The following NEMF variants were observed in gnomAD, a reference collection of about 807,000 sequenced individuals.
The protein encoded by NEMF is nuclear export mediator factor.
In NEMF, 89 loss-of-function variants were observed where a neutral mutation model predicts 162.2. The observed-to-expected ratio is 0.55, with a 90% CI of 0.46 to 0.65. NEMF has a LOEUF of 0.65. Among genes scored for constraint, NEMF ranks in the 30% least tolerant of loss-of-function variants. The pLI, the probability that NEMF is intolerant of heterozygous loss-of-function variation, is 0.00. For synonymous variants in NEMF, 421 were observed against 404.5 expected (o/e 1.04, Z -0.49); for missense variants, 1,133 against 1,261.9 (o/e 0.90, Z 1.55).
At chr14:49,822,934 ATTT>A (rs10709782) in intron 16 of NEMF, among the ~76,000 whole-genome samples, 63 of 115,582 alleles carry the variant, frequency 5.5e-4, no homozygotes, top group Non-Finnish European at 5.6e-4. Context: ...CCCCTTAGAG[ATTT>A]TTTTTTTTTT....
At chr14:49,837,684 C>T (rs1208357004) in intron 6 of NEMF, among the ~76,000 whole-genome samples, 4 of 151,848 alleles carry the variant, frequency 2.6e-5, no homozygotes, top group Non-Finnish European at 4.4e-5. Context: ...CCTGCCTCCC[C>T]GTCTTCTCTA....
chr14:49,814,817 G>C lies in NEMF; in HGVS notation c.1618C>G (p.Leu540Val). Residue 540 changes from leucine (L) to valine (V), a missense_variant, in exon 17 of 33, where the codon CTA becomes GTA. Leu to Val is a conservative substitution (Grantham distance 32). Around this residue, in one of 3 missense-constraint regions of NEMF, gnomAD observed 582 missense variants for 631.5 expected, o/e 0.92. Coordinates refer to ENST00000298310, the MANE Select transcript of NEMF (RefSeq NM_004713.6). ...TGCTGATCTCGTCCACCTATAATTA[G>C]ATAGTTCTCTGAGCTAATGAACCAC... ...FLWFISSENY[L>V]IIGGRDQQQN... 1 of 1,592,938 alleles carries C rather than the reference G, an allele frequency of 6.3e-7. No homozygotes were observed. Among genetic ancestry groups the C allele is most frequent in the Non-Finnish European group, 8.5e-7 (1 of 1,172,500 alleles).
At position 49,784,561 on chromosome 14, in the gene NEMF, A is replaced by C. The variant is rs1479663106; in HGVS notation, c.*75T>G. On this transcript the variant is annotated 3_prime_UTR_variant, in exon 33 of 33. Transcript: ENST00000298310. ...TTTTATAATGCGGAAATCCTGATAC[A>C]TGGTGCTTTCATCTTTGAACTTCCA... 1.0e-6 allele frequency: 1 copy of C among 973,124 alleles called. No individual in the cohort carries two copies. The highest frequency in any genetic ancestry group is 1.6e-6 in the Non-Finnish European group (1 of 621,176). 60.3% of individuals were successfully genotyped at this position (973,124 alleles called of 1,614,324 possible).
In NEMF at chr14:49,791,024, T is replaced by C. The variant is rs539690818; in HGVS notation, c.2620-1451A>G. On this transcript the variant is annotated intron_variant, in intron 26 of 32. Coordinates refer to ENST00000298310, the MANE Select transcript of NEMF (RefSeq NM_004713.6). ...ACAAAAAAAATGTCAAGTGGGGATATTCTTAGCAAGTGGCAAGCATGAGCC... is the reference window on the plus strand; with the variant it reads ...ACAAAAAAAATGTCAAGTGGGGATACTCTTAGCAAGTGGCAAGCATGAGCC... Among the ~76,000 whole-genome samples the C allele has an allele frequency of 1.1e-4, 16 of 152,158 alleles. No homozygotes were observed. In the South Asian group the frequency reaches 3.1e-3, roughly 30 times the overall value.
At chr14:49,823,065 T>C (rs1006510079) in intron 16 of NEMF, among the ~76,000 whole-genome samples, 7 of 151,926 alleles carry the variant, frequency 4.6e-5, no homozygotes, top group Non-Finnish European at 7.4e-5. Context: ...GCCTCCCTAG[T>C]AGCTGGGATT....
chr14:49,791,138 A>G (rs555364792), intron 26 of NEMF, among the ~76,000 whole-genome samples: 2 of 151,564 alleles, frequency 1.3e-5, no homozygotes, highest in South Asian at 2.1e-4. Flanking sequence ...GATCGAGACC[A>G]TCCTGGCCAA....
At position 49,806,228 on chromosome 14, in the gene NEMF, A is replaced by ATGTG. The variant is rs1555346800; in HGVS notation, c.1745-99_1745-96dup. On this transcript the variant is annotated intron_variant, in intron 18 of 32. Coordinates refer to ENST00000298310, the MANE Select transcript of NEMF (RefSeq NM_004713.6). ...CATGCCGCATGACAGGGTCAATGAT[A>ATGTG]TGTGTATATATATATATATATATAT... 3.6e-3 allele frequency: 512 copies of ATGTG among 142,562 alleles called. 6 individuals are homozygous for ATGTG. Among genetic ancestry groups the ATGTG allele is most frequent in the East Asian group, 4.0e-3 (26 of 6,450 alleles). The allele number at this position is 142,562 out of a possible 1,614,324, so 8.8% of individuals were successfully genotyped here.
At chr14:49,812,503 A>C (rs766904664) in intron 18 of NEMF, among the ~76,000 whole-genome samples, 3 of 151,658 alleles carry the variant, frequency 2.0e-5, no homozygotes, top group Non-Finnish European at 2.9e-5. Context: ...TACTGATTTG[A>C]GATCTTTCTT....
chr14:49,797,848 G>A (rs1394506583), intron 25 of NEMF, among the ~76,000 whole-genome samples: 1 of 152,176 alleles, frequency 6.6e-6, no homozygotes, highest in African/African-American at 2.4e-5. Context: ...TTATAACTTT[G>A]ATGAGAACAA....
intron 18 of NEMF, among the ~76,000 whole-genome samples, chr14:49,808,755 G>C (rs1262739928): frequency 1.3e-5 from 2 of 150,832 alleles, no homozygotes; most frequent in Admixed American, 6.7e-5. Flanking sequence ...CCACTGACTG[G>C]CAGAAAATAC....
intron 19 of NEMF, among the ~76,000 whole-genome samples, 153 bp downstream of exon 19, chr14:49,805,868 G>A (rs1891163473): frequency 6.6e-6 from 1 of 151,928 alleles, no homozygotes; most frequent in African/African-American, 2.4e-5. Flanking sequence ...ACTATTTTAT[G>A]GCACTTATTA....
chr14:49,835,439 A>T (rs1315874152), intron 6 of NEMF, among the ~76,000 whole-genome samples: 1 of 152,226 alleles, frequency 6.6e-6, no homozygotes, highest in African/African-American at 2.4e-5. Flanking sequence ...CAATAGATGC[A>T]GAAAAAGCAT....
chr14:49,812,010 T>C (rs1891502851), intron 18 of NEMF, among the ~76,000 whole-genome samples: 1 of 152,218 alleles, frequency 6.6e-6, no homozygotes, highest in Non-Finnish European at 1.5e-5. Context: ...ACCTTCTTTA[T>C]AATTCACCAG....
At chr14:49,841,196 CAAAAAA>C (rs34039009) in intron 4 of NEMF, among the ~76,000 whole-genome samples, 1 of 56,802 alleles carries the variant, frequency 1.8e-5, no homozygotes, top group Non-Finnish European at 3.1e-5. Context: ...AACTCTGTCT[CAAAAAA>C]AAAAAAAAAA....
chr14:49,808,273 A>G (rs1426186725), intron 18 of NEMF, among the ~76,000 whole-genome samples: 4 of 152,074 alleles, frequency 2.6e-5, no homozygotes, highest in Non-Finnish European at 5.9e-5. Context: ...CCAGGGTCCA[A>G]GCGATTCTCC....
At chr14:49,813,735 C>T (rs1891590235) in intron 18 of NEMF, among the ~76,000 whole-genome samples, 1 of 151,454 alleles carries the variant, frequency 6.6e-6, no homozygotes, top group Admixed American at 6.6e-5. Flanking sequence ...CTTTCTGTAG[C>T]TGGGACTACA....
chr14:49,787,515 A>G (rs903138593), intron 28 of NEMF, among the ~76,000 whole-genome samples: 3 of 152,196 alleles, frequency 2.0e-5, no homozygotes, highest in African/African-American at 7.2e-5. Context: ...GGGAGACCTC[A>G]TCTTAAAAAA....
chr14:49,801,100 AG>A (rs1890931275), intron 22 of NEMF: 2 of 186,948 alleles, frequency 1.1e-5, no homozygotes, highest in Non-Finnish European at 2.2e-5. Context: ...CTTCTGCAAA[AG>A]GAACACTGTC....
At chr14:49,807,550 C>T (rs1192640114) in intron 18 of NEMF, among the ~76,000 whole-genome samples, 1 of 32,792 alleles carries the variant, frequency 3.0e-5, no homozygotes, top group African/African-American at 7.1e-5. Flanking sequence ...TCTCCAGCAT[C>T]ATCACCAGCA....
Sources: allele counts gnomAD v4.1 joint callset (sites outside exome capture counted in the v4.1 genomes callset), GRCh38; gene constraint gnomAD v4.1.1; regional missense constraint gnomAD v4.1.1; transcripts MANE v1.5; gene names NCBI Gene and HGNC (gene_info 2026-07-23, HGNC 2026-07-21).